ADAM22: variants seen among roughly 807,000 people sequenced by gnomAD.
The protein encoded by ADAM22 is disintegrin and metalloproteinase domain-containing protein 22.
Under a neutral mutation model 144.6 loss-of-function variants are expected in ADAM22, and 65 were observed. That is an observed-to-expected ratio of 0.45 (90% confidence interval 0.37 to 0.55). The LOEUF (loss-of-function observed/expected upper bound fraction) is 0.55, where lower values mean the gene tolerates loss of function less well. ADAM22 is among the 20% of genes least tolerant of loss of function. The probability of loss-of-function intolerance (pLI) is 0.00; values close to 1 mark genes in which losing one functional copy is unlikely to be tolerated. For missense variants in ADAM22, 974 were observed against 1,184.9 expected (o/e 0.82, Z 2.61); for synonymous variants, 391 against 412.6 (o/e 0.95, Z 0.63).
At chr7:88,037,137 G>A (rs1801709811) in intron 3 of ADAM22, among the ~76,000 whole-genome samples, 1 of 152,050 alleles carries the variant, frequency 6.6e-6, no homozygotes. Flanking sequence ...GCGCAGTAGA[G>A]CCTCTCTTCT....
At chr7:87,956,528 T>C (rs1273668678) in intron 2 of ADAM22, among the ~76,000 whole-genome samples, 2 of 152,220 alleles carry the variant, frequency 1.3e-5, no homozygotes, top group Non-Finnish European at 2.9e-5. Flanking sequence ...TTTAGAGAAC[T>C]GTGCAGCGAT....
chr7:88,001,531 T>G (rs1792552215), intron 3 of ADAM22, among the ~76,000 whole-genome samples: 1 of 152,118 alleles, frequency 6.6e-6, no homozygotes, highest in Non-Finnish European at 1.5e-5. Context: ...AATAAGTAAT[T>G]ATCTCTTATT....
intron 26 of ADAM22, among the ~76,000 whole-genome samples, chr7:88,175,902 T>C (rs572039285): frequency 1.3e-5 from 2 of 152,332 alleles, no homozygotes; most frequent in East Asian, 1.9e-4. Flanking sequence ...TGTTATGATA[T>C]GTAATTAATA....
chr7:88,184,577 C>A (rs1355822986), intron 29 of ADAM22, among the ~76,000 whole-genome samples: 2 of 152,190 alleles, frequency 1.3e-5, no homozygotes, highest in Non-Finnish European at 2.9e-5. Context: ...CTGGAAAACA[C>A]AAAGAGCTCC....
At chr7:88,048,853 T>C (rs1046176893) in intron 3 of ADAM22, among the ~76,000 whole-genome samples, 1 of 152,170 alleles carries the variant, frequency 6.6e-6, no homozygotes, top group African/African-American at 2.4e-5. Flanking sequence ...TCTCCCTACC[T>C]CCCAGTATGT....
intron 2 of ADAM22, among the ~76,000 whole-genome samples, chr7:87,948,174 C>T (rs558020431): frequency 3.2e-4 from 49 of 152,072 alleles, no homozygotes; most frequent in African/African-American, 1.1e-3. Flanking sequence ...TTTTGTATTT[C>T]CCCCCACTCT....
chr7:87,997,839 T>A (rs544092675), intron 3 of ADAM22, among the ~76,000 whole-genome samples: 3 of 152,192 alleles, frequency 2.0e-5, no homozygotes, highest in African/African-American at 7.2e-5. Context: ...ATAGGATAGA[T>A]GTATATATGA....
At chr7:88,169,688 T>A (rs901903379) in intron 25 of ADAM22, among the ~76,000 whole-genome samples, 7 of 152,086 alleles carry the variant, frequency 4.6e-5, no homozygotes, top group African/African-American at 1.7e-4. Flanking sequence ...AGTTATCAAA[T>A]CATATATCTG....
intron 3 of ADAM22, among the ~76,000 whole-genome samples, chr7:88,003,163 G>A (rs1418724288): frequency 6.6e-6 from 1 of 152,134 alleles, no homozygotes; most frequent in Admixed American, 6.5e-5. Flanking sequence ...AGGAGAGCAG[G>A]GAATCATAGG....
At chr7:87,973,759 T>C (rs188966720) in intron 2 of ADAM22, among the ~76,000 whole-genome samples, 3,823 of 152,234 alleles carry the variant, frequency 0.025, 108 homozygotes, top group East Asian at 0.13. Context: ...TATGCAGCCA[T>C]GAAAAATGAT....
intron 3 of ADAM22, among the ~76,000 whole-genome samples, chr7:87,980,917 G>A (rs1301911397): frequency 1.3e-5 from 2 of 152,098 alleles, no homozygotes; most frequent in Non-Finnish European, 2.9e-5. Flanking sequence ...GGCCACACTA[G>A]TCCTAGGCTG....
intron 3 of ADAM22, among the ~76,000 whole-genome samples, chr7:87,999,794 T>C (rs981974072): frequency 3.9e-5 from 6 of 152,284 alleles, no homozygotes; most frequent in Admixed American, 2.6e-4. Context: ...GAATATTTTA[T>C]CCTTGGATAA....
intron 2 of ADAM22, among the ~76,000 whole-genome samples, chr7:87,963,327 C>T (rs933008674): frequency 2.6e-5 from 4 of 152,050 alleles, no homozygotes; most frequent in African/African-American, 9.7e-5. Flanking sequence ...AGCGACAACC[C>T]ACCCAGTTTT....
chr7:88,030,394 A>G, intron 3 of ADAM22, among the ~76,000 whole-genome samples: 1 of 152,014 alleles, frequency 6.6e-6, no homozygotes, highest in Non-Finnish European at 1.5e-5. Flanking sequence ...TGTTATCCTT[A>G]ATTTCTTTGA....
At chr7:88,003,091 G>A (rs755823339) in intron 3 of ADAM22, among the ~76,000 whole-genome samples, 63 of 152,158 alleles carry the variant, frequency 4.1e-4, no homozygotes, top group South Asian at 2.1e-3. Context: ...TTATGAAAAC[G>A]CTAATAAAAT....
rs1850958886 is a variant in ADAM22, at chr7:88,199,125, G to A, written c.*2634G>A. On this transcript the variant is annotated 3_prime_UTR_variant, in exon 32 of 32. Coordinates refer to ENST00000413139, the MANE Select transcript of ADAM22 (RefSeq NM_001324418.2). ...TATTTATGACTTTTCATCCACCGAGGTAGGTAGCATTAAATATACAAGCAC... is the reference window on the plus strand; with the variant it reads ...TATTTATGACTTTTCATCCACCGAGATAGGTAGCATTAAATATACAAGCAC... 6.6e-6 allele frequency: 1 copy of A among 152,110 alleles called. No individual in the cohort carries two copies. Among genetic ancestry groups the A allele is most frequent in the South Asian group, 2.1e-4 (1 of 4,810 alleles). The allele number at this position is 152,110 out of a possible 1,614,324, so 9.4% of individuals were successfully genotyped here. A position where few individuals can be genotyped will look rare whatever the true frequency, so the allele number is the denominator to read the frequency against.
chr7:88,087,078 G>T (rs1280064821), intron 4 of ADAM22, among the ~76,000 whole-genome samples: 2 of 152,076 alleles, frequency 1.3e-5, no homozygotes, highest in Non-Finnish European at 2.9e-5. Flanking sequence ...GTAGTAAGGA[G>T]TAATAAAGCT....
chr7:88,152,233 A>G (rs1838618525), intron 20 of ADAM22, among the ~76,000 whole-genome samples: 1 of 152,192 alleles, frequency 6.6e-6, no homozygotes. Context: ...AGAAGTAGGA[A>G]ACATAACTAC....
chr7:88,103,578 G>T (rs1823535264), intron 4 of ADAM22, among the ~76,000 whole-genome samples: 1 of 152,006 alleles, frequency 6.6e-6, no homozygotes, highest in Non-Finnish European at 1.5e-5. Flanking sequence ...TATGTTATTA[G>T]ATCAAGGAGT....
Sources: allele counts gnomAD v4.1 joint callset (sites outside exome capture counted in the v4.1 genomes callset), GRCh38; gene constraint gnomAD v4.1.1; transcripts MANE v1.5; gene names NCBI Gene and HGNC (gene_info 2026-07-23, HGNC 2026-07-21).